Variants in SPECC1 observed in about 807,000 individuals in gnomAD.
The protein encoded by SPECC1 is cytospin-B.
In SPECC1, 62 loss-of-function variants were observed where a neutral mutation model predicts 104.1. The observed-to-expected ratio is 0.60, with a 90% confidence interval of 0.49 to 0.74. The LOEUF (loss-of-function observed/expected upper bound fraction) is 0.74. Among genes scored for constraint, SPECC1 ranks in the 30% least tolerant of loss-of-function variants. SPECC1 has a pLI of 0.00. For synonymous variants in SPECC1, 513 were observed against 501.6 expected (o/e 1.02, Z -0.30); for missense variants, 1,306 against 1,310.5 (o/e 1.00, Z 0.05).
At chr17:20,063,975 C>T (rs550892420) in intron 1 of SPECC1, among the ~76,000 whole-genome samples, 7 of 152,302 alleles carry the variant, frequency 4.6e-5, no homozygotes, top group African/African-American at 1.7e-4. Context: ...TTCGGTTTTT[C>T]AGTTCTGTTT....
chr17:20,110,519 AGCCATC>A lies in SPECC1; in HGVS notation c.241_246del (p.Ala81_Ile82del). 1 of 1,613,922 alleles carries A rather than the reference AGCCATC, an allele frequency of 6.2e-7. No individual in the cohort carries two copies. Among genetic ancestry groups the A allele is most frequent in the Middle Eastern group, 1.7e-4 (1 of 5,990 alleles). On this transcript the variant is annotated inframe_deletion, in exon 3 of 15. Transcript: ENST00000395527. ...GCCTGAAGAAGACCGCCACTGCCGG[AGCCATC>A]TCGGAGCTCACGGAGAGCCGCCTGA...
intron 1 of SPECC1, among the ~76,000 whole-genome samples, chr17:20,052,509 C>G (rs2045811851): frequency 6.6e-6 from 1 of 152,198 alleles, no homozygotes; most frequent in South Asian, 2.1e-4. Flanking sequence ...ATATGACAGA[C>G]TCTGGTTCAA....
At position 20,145,878 on chromosome 17, in the gene SPECC1, A is replaced by T. The variant is rs187967887; in HGVS notation, c.283+35316A>T. 1.2e-4 allele frequency among the ~76,000 whole-genome samples: 19 copies of T among 152,302 alleles called. No homozygotes were observed. In the East Asian group the frequency reaches 3.1e-3, roughly 25 times the overall value. ...GTGTTAATTTAAGGTCTAGTTTATTATTTGGATCAGGAATGTTTAAAAAAT... is the reference window on the plus strand; with the variant it reads ...GTGTTAATTTAAGGTCTAGTTTATTTTTTGGATCAGGAATGTTTAAAAAAT... On this transcript the variant is annotated intron_variant, in intron 3 of 14. Coordinates refer to ENST00000395527, the MANE Select transcript of SPECC1 (RefSeq NM_001243439.2).
intron 13 of SPECC1, among the ~76,000 whole-genome samples, chr17:20,300,740 G>A (rs1364271955): frequency 6.6e-6 from 1 of 152,234 alleles, no homozygotes; most frequent in East Asian, 1.9e-4. Flanking sequence ...GTGGGGGCAG[G>A]CTGAGGCCAT....
At chr17:20,174,630 G>A (rs1391678983) in intron 3 of SPECC1, among the ~76,000 whole-genome samples, 1 of 152,140 alleles carries the variant, frequency 6.6e-6, no homozygotes, top group Non-Finnish European at 1.5e-5. Context: ...TCTTGGAGGG[G>A]AGTCTGCAGA....
At chr17:20,156,218 C>T (rs1201138319) in intron 3 of SPECC1, 2 of 1,416,008 alleles carry the variant, frequency 1.4e-6, no homozygotes, top group Non-Finnish European at 9.2e-7. Flanking sequence ...CTCAGGACGG[C>T]CCGAGGATCC....
At chr17:20,262,748 A>G (rs1295198386) in intron 12 of SPECC1, among the ~76,000 whole-genome samples, 1 of 152,214 alleles carries the variant, frequency 6.6e-6, no homozygotes, top group South Asian at 2.1e-4. Flanking sequence ...GCCAAGATCC[A>G]TCCCAGATAG....
intron 4 of SPECC1, among the ~76,000 whole-genome samples, chr17:20,213,064 AG>A (rs1774068954): frequency 6.6e-6 from 1 of 152,080 alleles, no homozygotes; most frequent in Non-Finnish European, 1.5e-5. Flanking sequence ...CAGCATTCAA[AG>A]TTGGGTCTGA....
chr17:20,013,794 T>G (rs1364702551), intron 1 of SPECC1, among the ~76,000 whole-genome samples: 3 of 152,220 alleles, frequency 2.0e-5, no homozygotes, highest in Non-Finnish European at 4.4e-5. Context: ...TGAACCACTG[T>G]GCCGAGCTGG....
intron 5 of SPECC1, among the ~76,000 whole-genome samples, chr17:20,229,722 T>C (rs1336529511): frequency 1.3e-5 from 2 of 152,142 alleles, no homozygotes; most frequent in East Asian, 3.9e-4. Flanking sequence ...ATACGGTGCA[T>C]CAGAGAAAGG....
chr17:20,051,533 G>T (rs575322214), intron 1 of SPECC1, among the ~76,000 whole-genome samples: 48 of 152,210 alleles, frequency 3.2e-4, no homozygotes, highest in African/African-American at 1.1e-3. Context: ...TTTGTTATAT[G>T]CTTTCTTTTA....
chr17:20,041,915 G>T (rs753396062), intron 1 of SPECC1, among the ~76,000 whole-genome samples: 1 of 152,070 alleles, frequency 6.6e-6, no homozygotes, highest in Non-Finnish European at 1.5e-5. Flanking sequence ...GTGAGCCACC[G>T]CGCCCAGCCT....
intron 1 of SPECC1, among the ~76,000 whole-genome samples, chr17:20,090,517 T>C (rs893983056): frequency 2.6e-5 from 4 of 151,820 alleles, no homozygotes; most frequent in African/African-American, 4.8e-5. Context: ...TAGATAGATA[T>C]GAAAGTCTCT....
At chr17:20,048,754 TG>T (rs1391842913) in intron 1 of SPECC1, among the ~76,000 whole-genome samples, 1 of 151,634 alleles carries the variant, frequency 6.6e-6, no homozygotes, top group Non-Finnish European at 1.5e-5. Flanking sequence ...AAAATTAGCA[TG>T]ATGGCACGTG....
At chr17:20,024,681 T>TC (rs1187554518) in intron 1 of SPECC1, among the ~76,000 whole-genome samples, 1 of 151,898 alleles carries the variant, frequency 6.6e-6, no homozygotes, top group Non-Finnish European at 1.5e-5. Flanking sequence ...GAAGTCAGGG[T>TC]TTTTCCCCCT....
rs150715505 is a variant in SPECC1, at chr17:20,138,401, TG to T, written c.283+27842del. ...TCACCCAAAGTCCATAGTTTAAGTT[TG>T]GGTTCACTTTTGGTGGTGTACATTC... On this transcript the variant is annotated intron_variant, in intron 3 of 14. Coordinates refer to ENST00000395527, the MANE Select transcript of SPECC1 (RefSeq NM_001243439.2). Among the ~76,000 whole-genome samples the T allele has an allele frequency of 4.7e-3, 719 of 152,298 alleles. 6 individuals carry two copies. Among genetic ancestry groups the T allele is most frequent in the African/African-American group, 0.016 (681 of 41,558 alleles).
chr17:20,261,240 C>A (rs753642999), intron 12 of SPECC1, among the ~76,000 whole-genome samples: 1 of 151,988 alleles, frequency 6.6e-6, no homozygotes, highest in East Asian at 1.9e-4. Context: ...CAGTGGCTCA[C>A]GCCTGTAATC....
chr17:20,288,470 A>G (rs2041037000), intron 12 of SPECC1, among the ~76,000 whole-genome samples: 1 of 152,236 alleles, frequency 6.6e-6, no homozygotes, highest in Non-Finnish European at 1.5e-5. Context: ...TAGCCAACAA[A>G]TATATGAAAA....
chr17:20,024,638 A>G (rs1414523743), intron 1 of SPECC1, among the ~76,000 whole-genome samples: 1 of 152,148 alleles, frequency 6.6e-6, no homozygotes, highest in Non-Finnish European at 1.5e-5. Context: ...AGTAGGAAGC[A>G]CTAGTGGGAG....
Sources: gnomAD v4.1 joint callset for allele counts (sites outside exome capture counted in the v4.1 genomes callset) on GRCh38, gnomAD v4.1.1 for gene constraint, MANE v1.5 for transcripts, NCBI Gene and HGNC (gene_info 2026-07-23, HGNC 2026-07-21) for gene names.